Variants in DGKI observed in about 807,000 individuals in gnomAD.
DGKI encodes the protein DAG kinase iota.
DGKI carries 55 observed loss-of-function variants against 147.5 expected under a neutral mutation model. The ratio of observed to expected loss-of-function variants is 0.37; its 90% CI spans 0.30 to 0.47. The LOEUF (loss-of-function observed/expected upper bound fraction) is 0.47. DGKI is among the 20% of genes least tolerant of loss of function. The probability of loss-of-function intolerance (pLI) is 1.00; values close to 1 mark genes in which losing one functional copy is unlikely to be tolerated. For missense variants in DGKI, 1,007 were observed against 1,323.8 expected (o/e 0.76, Z 3.71); for synonymous variants, 469 against 477.1 (o/e 0.98, Z 0.22).
intron 1 of DGKI, among the ~76,000 whole-genome samples, chr7:137,798,548 A>C (rs1797102230): frequency 6.6e-6 from 1 of 152,128 alleles, no homozygotes; most frequent in East Asian, 1.9e-4. Context: ...CAGCCTCCTG[A>C]GTAGCTGGCC....
intron 19 of DGKI, among the ~76,000 whole-genome samples, chr7:137,569,728 C>CAAAAAAAAAAAAAAAAAAAAAAAAAAAA (rs60719355): frequency 1.5e-5 from 1 of 64,610 alleles, no homozygotes; most frequent in Non-Finnish European, 2.9e-5. Context: ...GACTCTGTCT[C>CAAAAAAAAAAAAAAAAAAAAAAAAAAAA]AAAAAAAAAA....
chr7:137,537,199 G>A (rs1817549125), intron 20 of DGKI, among the ~76,000 whole-genome samples: 1 of 152,118 alleles, frequency 6.6e-6, no homozygotes, highest in African/African-American at 2.4e-5. Context: ...GGGAGAGAGA[G>A]GAAGGAAGAA....
intron 1 of DGKI, among the ~76,000 whole-genome samples, chr7:137,816,367 T>C (rs1318250624): frequency 2.0e-5 from 3 of 152,210 alleles, no homozygotes; most frequent in African/African-American, 7.2e-5. Flanking sequence ...ATCAGATACC[T>C]ACCCCCTGAG....
chr7:137,607,043 A>G (rs1014167921), intron 10 of DGKI, among the ~76,000 whole-genome samples: 12 of 152,278 alleles, frequency 7.9e-5, no homozygotes, highest in Middle Eastern at 3.4e-3. Flanking sequence ...ATCTCGAGAA[A>G]TGGTTCAGAA....
intron 21 of DGKI, among the ~76,000 whole-genome samples, chr7:137,518,618 C>T (rs1816859881): frequency 6.6e-6 from 1 of 152,056 alleles, no homozygotes; most frequent in Non-Finnish European, 1.5e-5. Flanking sequence ...CTGGTTTCTA[C>T]TGCTTGTGTT....
At chr7:137,461,135 C>T (rs1814427283) in intron 27 of DGKI, among the ~76,000 whole-genome samples, 1 of 152,194 alleles carries the variant, frequency 6.6e-6, no homozygotes. Context: ...CCAAAGTAAA[C>T]TTCTGTGGCT....
Position 137,388,612 on chromosome 7 carries a change from G to A in DGKI, c.*2608C>T, listed in dbSNP as rs964712946. On this transcript the variant is annotated 3_prime_UTR_variant, in exon 33 of 33. Transcript: ENST00000614521. ...TGAGATGGAAACTCCTAGACCATAA[G>A]GCCTTAGCTCTTTCCAAAGCCCAGG... 1 of 152,134 alleles carries A rather than the reference G, an allele frequency of 6.6e-6. No individual in the cohort carries two copies. The highest frequency in any genetic ancestry group is 1.5e-5 in the Non-Finnish European group (1 of 68,036). 9.4% of individuals were successfully genotyped at this position (152,134 alleles called of 1,614,324 possible). A position where few individuals can be genotyped will look rare whatever the true frequency, so the allele number is the denominator to read the frequency against.
At chr7:137,486,934 G>A (rs572021038) in intron 22 of DGKI, among the ~76,000 whole-genome samples, 20 of 152,114 alleles carry the variant, frequency 1.3e-4, no homozygotes, top group East Asian at 3.9e-4. Flanking sequence ...TAAAGAAATC[G>A]TCATATATGC....
In DGKI at chr7:137,397,420, AAG is replaced by A; in HGVS notation, c.2921-9_2921-8del. On this transcript the variant is annotated splice_region_variant and splice_polypyrimidine_tract_variant and intron_variant, in intron 30 of 32. Coordinates refer to ENST00000614521, the MANE Select transcript of DGKI (RefSeq NM_001321708.2). The stretch of plus-strand genomic sequence containing the variant: ...TCCAATAACTCGGAAGGTCCTAAAT[AAG>A]AAGAAAGCAAGATGACCGTCAAAAA... The A allele has an allele frequency of 6.2e-7, 1 of 1,611,574 alleles. No individual in the cohort carries two copies.
At chr7:137,696,294 C>T (rs1280884634) in intron 1 of DGKI, among the ~76,000 whole-genome samples, 2 of 152,126 alleles carry the variant, frequency 1.3e-5, no homozygotes, top group Non-Finnish European at 2.9e-5. Context: ...AACCCATCTT[C>T]CTAATACAAA....
intron 1 of DGKI, among the ~76,000 whole-genome samples, chr7:137,786,758 T>C (rs1421438446): frequency 1.3e-5 from 2 of 151,436 alleles, no homozygotes; most frequent in African/African-American, 2.4e-5. Flanking sequence ...AACAGCGTGG[T>C]ACTGGTATAA....
At chr7:137,437,508 T>C (rs879470097) in intron 28 of DGKI, among the ~76,000 whole-genome samples, 14 of 152,134 alleles carry the variant, frequency 9.2e-5, no homozygotes, top group Non-Finnish European at 1.8e-4. Context: ...AAAAAGCCAA[T>C]TAAATGTCAA....
At chr7:137,733,263 C>A (rs1409868514) in intron 1 of DGKI, among the ~76,000 whole-genome samples, 1 of 151,978 alleles carries the variant, frequency 6.6e-6, no homozygotes, top group Non-Finnish European at 1.5e-5. Context: ...CCATTCAGCA[C>A]CTGGTAACCA....
intron 28 of DGKI, among the ~76,000 whole-genome samples, chr7:137,434,845 T>A (rs376525606): frequency 2.6e-5 from 4 of 152,290 alleles, no homozygotes; most frequent in African/African-American, 9.6e-5. Flanking sequence ...TTTTGTTCTG[T>A]TTTTTAATCA....
intron 1 of DGKI, among the ~76,000 whole-genome samples, chr7:137,790,562 T>C (rs950279571): frequency 2.0e-5 from 3 of 152,148 alleles, no homozygotes; most frequent in Non-Finnish European, 2.9e-5. Context: ...ATAAAGCAAA[T>C]TATTATCAGT....
intron 28 of DGKI, among the ~76,000 whole-genome samples, chr7:137,432,681 T>A (rs953823987): frequency 5.3e-5 from 8 of 152,186 alleles, no homozygotes; most frequent in Non-Finnish European, 1.2e-4. Context: ...AAAACCAGCA[T>A]GTAGAACCAG....
intron 6 of DGKI, among the ~76,000 whole-genome samples, chr7:137,626,684 G>A (rs896675137): frequency 2.6e-5 from 4 of 152,158 alleles, no homozygotes; most frequent in Admixed American, 6.5e-5. Flanking sequence ...TACTGTGTGG[G>A]AAGGAAAAGA....
chr7:137,590,483 T>G (rs191256911), intron 12 of DGKI, among the ~76,000 whole-genome samples: 2 of 152,286 alleles, frequency 1.3e-5, no homozygotes. Flanking sequence ...ACCAAAGGGA[T>G]TCAGAGATAG....
chr7:137,747,915 G>A (rs1268928799), intron 1 of DGKI, among the ~76,000 whole-genome samples: 1 of 152,118 alleles, frequency 6.6e-6, no homozygotes, highest in Middle Eastern at 3.2e-3. Flanking sequence ...GACTTGTTAT[G>A]GCAACACACT....
Sources: allele counts gnomAD v4.1 joint callset (sites outside exome capture counted in the v4.1 genomes callset), GRCh38; gene constraint gnomAD v4.1.1; transcripts MANE v1.5; gene names NCBI Gene and HGNC (gene_info 2026-07-23, HGNC 2026-07-21).